MYO18A: variants seen among roughly 807,000 people sequenced by gnomAD.
The protein encoded by MYO18A is unconventional myosin-XVIIIa.
MYO18A carries 78 observed loss-of-function variants against 235.8 expected under a neutral mutation model. That is an observed-to-expected ratio of 0.33 (90% CI 0.28 to 0.40). MYO18A has a LOEUF of 0.40. MYO18A is among the 10% of genes least tolerant of loss of function. The pLI is 1.00. For missense variants in MYO18A, 2,215 were observed against 2,699.3 expected, an observed-to-expected ratio of 0.82 and a Z score of 3.98; for synonymous variants, 977 against 1,077.8, an observed-to-expected ratio of 0.91 and a Z score of 1.83.
intron 2 of MYO18A, among the ~76,000 whole-genome samples, chr17:29,129,273 C>T (rs1274886677): frequency 6.6e-6 from 1 of 152,204 alleles, no homozygotes; most frequent in Non-Finnish European, 1.5e-5. Flanking sequence ...CCACTTCAGC[C>T]TGCTTTCTGC....
chr17:29,134,712 G>A (rs930070171), intron 2 of MYO18A, among the ~76,000 whole-genome samples: 3 of 151,756 alleles, frequency 2.0e-5, no homozygotes, highest in Non-Finnish European at 4.4e-5. Flanking sequence ...TAGTAGAGAC[G>A]GGGTTTCTCC....
At chr17:29,144,243 A>T (rs116186141) in intron 2 of MYO18A, among the ~76,000 whole-genome samples, 3,041 of 152,316 alleles carry the variant, frequency 0.02, 99 homozygotes, top group African/African-American at 0.069. Flanking sequence ...CTCCAAGGAC[A>T]GCTGGAAGCT....
intron 2 of MYO18A, among the ~76,000 whole-genome samples, chr17:29,145,191 C>T (rs986533768): frequency 2.6e-5 from 4 of 152,198 alleles, no homozygotes; most frequent in African/African-American, 9.7e-5. Context: ...CTTTATATCC[C>T]ATCCCGTTCC....
chr17:29,164,892 T>TA (rs2068247515), intron 2 of MYO18A, among the ~76,000 whole-genome samples: 2 of 152,356 alleles, frequency 1.3e-5, no homozygotes, highest in East Asian at 3.9e-4. Context: ...AGTCAGGACA[T>TA]ACTATCTGTG....
chr17:29,097,133 G>A (rs1418443051), intron 27 of MYO18A, 90 bp downstream of exon 27: 34 of 1,547,234 alleles, frequency 2.2e-5, no homozygotes, highest in Non-Finnish European at 2.6e-5. Context: ...AGCCAGGCCT[G>A]CCTGCCCCCA....
intron 2 of MYO18A, among the ~76,000 whole-genome samples, chr17:29,148,582 TTGTGTGTGTGTGTGTGTGTG>T (rs10535921): frequency 4.0e-5 from 6 of 148,758 alleles, no homozygotes; most frequent in African/African-American, 9.9e-5. Flanking sequence ...CTTTATTCTT[TTGTGTGTGTGTGTGTGTGTG>T]TGTGTGTGTG....
intron 15 of MYO18A, among the ~76,000 whole-genome samples, chr17:29,112,787 C>T (rs937020446): frequency 3.3e-5 from 5 of 152,222 alleles, no homozygotes; most frequent in Non-Finnish European, 5.9e-5. Context: ...TCTTTGACCC[C>T]AGCTGCCTGC....
chr17:29,114,839 C>A, intron 14 of MYO18A, 68 bp downstream of exon 14: 1 of 1,506,060 alleles, frequency 6.6e-7, no homozygotes, highest in Non-Finnish European at 9.0e-7. Flanking sequence ...TCTGCATCCA[C>A]AGATGCCCTC....
At chr17:29,164,507 C>T (rs535028731) in intron 2 of MYO18A, among the ~76,000 whole-genome samples, 2 of 152,348 alleles carry the variant, frequency 1.3e-5, no homozygotes, top group African/African-American at 4.8e-5. Context: ...GTAGCAGCTG[C>T]TTCCCCTCCC....
In MYO18A at chr17:29,125,247, C is replaced by G. The variant is rs1373530734; in HGVS notation, c.1000-2994G>C. Among the ~76,000 whole-genome samples the G allele has an allele frequency of 6.6e-6, 1 of 152,222 alleles. No homozygotes were observed. Among genetic ancestry groups the G allele is most frequent in the Non-Finnish European group, 1.5e-5 (1 of 68,042 alleles). On this transcript the variant is annotated intron_variant, in intron 2 of 41. Coordinates refer to ENST00000527372, the MANE Select transcript of MYO18A (RefSeq NM_078471.4). The surrounding 1 kb of genome is among the most constrained non-coding windows in gnomAD (Gnocchi z 5.1). Reference sequence around the variant, plus strand: ...TGTTCAGAGCTGTCGCCCTGCACCTCTCATAGAACACAGCTCCCAGCAGCT... The same window carrying G: ...TGTTCAGAGCTGTCGCCCTGCACCTGTCATAGAACACAGCTCCCAGCAGCT...
intron 2 of MYO18A, chr17:29,133,644 C>T (rs1156286853): frequency 4.4e-6 from 2 of 455,780 alleles, no homozygotes; most frequent in South Asian, 1.8e-5. Flanking sequence ...GTTCACCAGC[C>T]CCCGTCATTC....
chr17:29,165,272 T>G (rs2068254897), intron 2 of MYO18A: 1 of 152,232 alleles, frequency 6.6e-6, no homozygotes, highest in Non-Finnish European at 1.5e-5. Flanking sequence ...AAGATCTAAA[T>G]ACCATGGAAA....
At chr17:29,169,059 A>C (rs990631032) in intron 1 of MYO18A, among the ~76,000 whole-genome samples, 11 of 151,966 alleles carry the variant, frequency 7.2e-5, no homozygotes, top group Admixed American at 2.6e-4. Context: ...AATCCCAGCT[A>C]TTCGGGTGGC....
At position 29,125,941 on chromosome 17, in the gene MYO18A, G is replaced by A. The variant is rs1489329763; in HGVS notation, c.1000-3688C>T. On this transcript the variant is annotated intron_variant, in intron 2 of 41. Coordinates refer to ENST00000527372, the MANE Select transcript of MYO18A (RefSeq NM_078471.4). The surrounding 1 kb of genome is among the most constrained non-coding windows in gnomAD (Gnocchi z 5.1). The stretch of plus-strand genomic sequence containing the variant: ...GCCGCTGGTGGGCCTCTTCCACGGG[G>A]GTCAGCTGGACCTTGGCAGCTCCTG... 1 of 985,442 alleles carries A rather than the reference G, an allele frequency of 1.0e-6. No individual in the cohort carries two copies. The highest frequency in any genetic ancestry group is 1.1e-4 in the East Asian group (1 of 8,810). The allele number at this position is 985,442 out of a possible 1,614,324, so 61.0% of individuals were successfully genotyped here.
Position 29,109,887 on chromosome 17 carries a change from A to C in MYO18A, c.3302T>G (p.Leu1101Arg). ...GCGGTACATGCGCATGGCATCGAGC[A>C]GGCGGGAGCCGCGGAGCTGGGTGCG... is the stretch of plus-strand genomic sequence containing the variant. ...LLRTQLRGSR[L>R]LDAMRMYRQG... Residue 1101 changes from leucine (L) to arginine (R), a missense_variant, in exon 19 of 42, where the codon CTG becomes CGG. By Grantham distance (102) the Leu-to-Arg change is moderately radical. Coordinates refer to ENST00000527372, the MANE Select transcript of MYO18A (RefSeq NM_078471.4). The surrounding 1 kb of genome is among the most constrained non-coding windows in gnomAD (Gnocchi z 4.1). 1 of 1,569,432 alleles carries C rather than the reference A, an allele frequency of 6.4e-7. No individual in the cohort carries two copies. The highest frequency in any genetic ancestry group is 8.6e-7 in the Non-Finnish European group (1 of 1,157,426).
chr17:29,083,948 TA>T (rs1215080929), intron 40 of MYO18A, among the ~76,000 whole-genome samples: 1 of 152,266 alleles, frequency 6.6e-6, no homozygotes, highest in Non-Finnish European at 1.5e-5. Flanking sequence ...CGTTTCCATA[TA>T]AATCTCCCTT....
At chr17:29,170,317 C>G (rs2068374154) in intron 1 of MYO18A, among the ~76,000 whole-genome samples, 1 of 152,218 alleles carries the variant, frequency 6.6e-6, no homozygotes, top group Non-Finnish European at 1.5e-5. Flanking sequence ...CTGCCATCCC[C>G]ATAATCGCCA....
chr17:29,087,365 A>G (rs1401253827), intron 37 of MYO18A, among the ~76,000 whole-genome samples: 1 of 152,200 alleles, frequency 6.6e-6, no homozygotes, highest in African/African-American at 2.4e-5. Flanking sequence ...GCACTCTGAA[A>G]GATGAAAGGT....
chr17:29,119,567 T>A, intron 7 of MYO18A, 132 bp from the exon 8 acceptor site: 1 of 647,610 alleles, frequency 1.5e-6, no homozygotes, highest in African/African-American at 1.8e-5. Context: ...TTTTTTTTTT[T>A]TTTTTTTAAG....
Sources: allele counts gnomAD v4.1 joint callset (sites outside exome capture counted in the v4.1 genomes callset), GRCh38; gene constraint gnomAD v4.1.1; non-coding constraint Gnocchi (gnomAD v3.1); transcripts MANE v1.5; gene names NCBI Gene and HGNC (gene_info 2026-07-23, HGNC 2026-07-21).